Variants in TRIM5 observed in about 807,000 individuals in gnomAD.
The protein encoded by TRIM5 is tripartite motif-containing protein 5.
In TRIM5, 31 loss-of-function variants were observed where a neutral mutation model predicts 35.6. The observed-to-expected ratio is 0.87, with a 90% CI of 0.65 to 1.18. The LOEUF is 1.18. Ranked by LOEUF, TRIM5 falls within the 50% of genes most tolerant of loss-of-function variation. The pLI is 0.00. For missense variants in TRIM5, 609 were observed against 591.6 expected, an observed-to-expected ratio of 1.03 and a Z score of -0.31; for synonymous variants, 243 against 215.6, an observed-to-expected ratio of 1.13 and a Z score of -1.11.
intron 1 of TRIM5, 99 bp downstream of exon 1, chr11:5,684,769 A>T (rs937629819): frequency 6.6e-6 from 1 of 152,250 alleles, no homozygotes; most frequent in Non-Finnish European, 1.5e-5. Context: ...CCTGCCCGCC[A>T]GGCGGCTCTG....
intron 4 of TRIM5, among the ~76,000 whole-genome samples, chr11:5,672,748 T>C (rs1324982077): frequency 6.6e-6 from 1 of 152,194 alleles, no homozygotes; most frequent in Non-Finnish European, 1.5e-5. Flanking sequence ...TTATGACATA[T>C]ATGCATGTGA....
At chr11:5,657,166 A>G in the TRIM5 span, among the ~76,000 whole-genome samples, 2 of 152,168 alleles carry the variant, frequency 1.3e-5, no homozygotes, top group African/African-American at 4.8e-5. Context: ...TTGCAGGGAC[A>G]TGGATGAAGC....
chr11:5,609,916 C>T, the TRIM5 span, among the ~76,000 whole-genome samples: 3 of 151,036 alleles, frequency 2.0e-5, no homozygotes, highest in African/African-American at 7.3e-5. Context: ...GAGCGAGACT[C>T]CTTCTCAAAA....
chr11:5,643,468 G>T, the TRIM5 span: 1 of 1,614,048 alleles, frequency 6.2e-7, no homozygotes. Flanking sequence ...TGTAAGTATG[G>T]TGTCTTTGAA....
At chr11:5,603,714 G>T in the TRIM5 span, 3 of 1,613,516 alleles carry the variant, frequency 1.9e-6, no homozygotes, top group Non-Finnish European at 2.5e-6. Flanking sequence ...TCCTCGTGGA[G>T]GAGGTTGCCC....
the TRIM5 span, among the ~76,000 whole-genome samples, chr11:5,593,575 T>C: frequency 6.6e-6 from 1 of 152,248 alleles, no homozygotes; most frequent in Non-Finnish European, 1.5e-5. Flanking sequence ...TCTGTGACCC[T>C]TGTCATGGTC....
the TRIM5 span, among the ~76,000 whole-genome samples, chr11:5,621,744 CCTAT>C: frequency 3.3e-5 from 5 of 152,158 alleles, no homozygotes; most frequent in Non-Finnish European, 5.9e-5. Context: ...GACATAAATG[CCTAT>C]CTGATTGACT....
chr11:5,653,122 G>C, the TRIM5 span, among the ~76,000 whole-genome samples: 1 of 152,250 alleles, frequency 6.6e-6, no homozygotes, highest in African/African-American at 2.4e-5. Context: ...AAAGTGCTGG[G>C]ATTACAGGCA....
chr11:5,607,791 A>G, the TRIM5 span, among the ~76,000 whole-genome samples: 223 of 152,342 alleles, frequency 1.5e-3, no homozygotes, highest in Non-Finnish European at 2.4e-3. Flanking sequence ...TCTTTTAAAC[A>G]TCTTGCATTT....
At chr11:5,597,202 T>C in the TRIM5 span, among the ~76,000 whole-genome samples, 1 of 152,288 alleles carries the variant, frequency 6.6e-6, no homozygotes, top group African/African-American at 2.4e-5. Flanking sequence ...TTGACTTCTT[T>C]GAGCTTTAGT....
At chr11:5,607,656 G>C in the TRIM5 span, among the ~76,000 whole-genome samples, 1 of 152,174 alleles carries the variant, frequency 6.6e-6, no homozygotes, top group East Asian at 1.9e-4. Flanking sequence ...ACTGACTTGG[G>C]CAAAGATAGG....
At chr11:5,657,493 A>G in the TRIM5 span, among the ~76,000 whole-genome samples, 1 of 140,042 alleles carries the variant, frequency 7.1e-6, no homozygotes, top group Non-Finnish European at 1.5e-5. Flanking sequence ...ATGCATTTAT[A>G]TATATATTTA....
At chr11:5,646,922 G>A in the TRIM5 span, among the ~76,000 whole-genome samples, 1 of 152,112 alleles carries the variant, frequency 6.6e-6, no homozygotes, top group East Asian at 1.9e-4. Context: ...AGGACATGAA[G>A]AAATAATGGA....
At chr11:5,604,666 G>A in the TRIM5 span, 1 of 1,599,310 alleles carries the variant, frequency 6.3e-7, no homozygotes, top group Non-Finnish European at 8.5e-7. Context: ...CCTGGGGCAG[G>A]AATCATGGCA....
chr11:5,629,451 G>A, the TRIM5 span, among the ~76,000 whole-genome samples: 1 of 152,168 alleles, frequency 6.6e-6, no homozygotes, highest in Admixed American at 6.5e-5. Flanking sequence ...GTATCAAAAT[G>A]TTACTGCCTA....
the TRIM5 span, chr11:5,634,829 C>A: frequency 6.2e-7 from 1 of 1,613,094 alleles, no homozygotes; most frequent in South Asian, 1.1e-5. Context: ...TGTGGAGTGT[C>A]GGAGTCAGTG....
the TRIM5 span, among the ~76,000 whole-genome samples, chr11:5,598,617 T>G: frequency 6.6e-6 from 1 of 152,216 alleles, no homozygotes; most frequent in Non-Finnish European, 1.5e-5. Flanking sequence ...ATCCTTTAAC[T>G]TTTTTAAACT....
At chr11:5,643,567 G>T in the TRIM5 span, 1 of 1,614,110 alleles carries the variant, frequency 6.2e-7, no homozygotes, top group Non-Finnish European at 8.5e-7. Context: ...TATGAAGCAG[G>T]CATTGTCTCA....
At chr11:5,655,501 A>G in the TRIM5 span, among the ~76,000 whole-genome samples, 3 of 152,198 alleles carry the variant, frequency 2.0e-5, no homozygotes, top group Non-Finnish European at 2.9e-5. Context: ...AGGATTTTAT[A>G]AGCCAGGATT....
Sources: allele counts gnomAD v4.1 joint callset (sites outside exome capture counted in the v4.1 genomes callset), GRCh38; gene constraint gnomAD v4.1.1; transcripts MANE v1.5; gene names NCBI Gene and HGNC (gene_info 2026-07-23, HGNC 2026-07-21).